The following GRB2 variants were observed in gnomAD, a reference collection of about 807,000 sequenced individuals.
GRB2 encodes growth factor receptor bound protein 2.
A neutral mutation model predicts 27.4 loss-of-function variants in GRB2; 2 were observed. The ratio of observed to expected loss-of-function variants is 0.07; its 90% CI spans 0.03 to 0.23. The LOEUF (loss-of-function observed/expected upper bound fraction) is 0.23. Ranked by LOEUF, GRB2 falls within the 10% of genes least tolerant of loss-of-function variation. GRB2 has a pLI of 1.00. For synonymous variants in GRB2, 94 were observed against 99.6 expected (o/e 0.94, Z 0.33); for missense variants, 102 against 282.4 (o/e 0.36, Z 4.58).
intron 2 of GRB2, among the ~76,000 whole-genome samples, chr17:75,389,710 C>G (rs2078986650): frequency 6.6e-6 from 1 of 151,908 alleles, no homozygotes; most frequent in African/African-American, 2.4e-5. Context: ...GCCGGGCGTG[C>G]TGGTGGGTGC....
intron 2 of GRB2, among the ~76,000 whole-genome samples, chr17:75,347,878 A>C (rs1393886473): frequency 6.6e-6 from 1 of 152,184 alleles, no homozygotes; most frequent in Non-Finnish European, 1.5e-5. Flanking sequence ...CAGGACTCAG[A>C]CTGAAATTAG....
At chr17:75,353,795 T>C (rs1431720496) in intron 2 of GRB2, among the ~76,000 whole-genome samples, 1 of 151,122 alleles carries the variant, frequency 6.6e-6, no homozygotes, top group Non-Finnish European at 1.5e-5. Flanking sequence ...TCCCAGCACT[T>C]TGGGAGGCCG....
intron 2 of GRB2, among the ~76,000 whole-genome samples, chr17:75,345,485 G>A (rs970463228): frequency 1.3e-5 from 2 of 152,174 alleles, no homozygotes; most frequent in Non-Finnish European, 2.9e-5. Context: ...GTTGGTCACA[G>A]AACTATTCAC....
At chr17:75,342,849 G>A (rs1392942926) in intron 2 of GRB2, among the ~76,000 whole-genome samples, 1 of 151,912 alleles carries the variant, frequency 6.6e-6, no homozygotes, top group Non-Finnish European at 1.5e-5. Flanking sequence ...TGGAGTTTGA[G>A]TCCAGCCTAG....
chr17:75,341,447 T>TAAAAA (rs61039194), intron 2 of GRB2, among the ~76,000 whole-genome samples: 1 of 110,276 alleles, frequency 9.1e-6, no homozygotes, highest in African/African-American at 3.8e-5. Context: ...GTGACTCCAT[T>TAAAAA]AAAAAAAAAA....
intron 2 of GRB2, among the ~76,000 whole-genome samples, chr17:75,347,552 G>A (rs2145837688): frequency 6.6e-6 from 1 of 152,228 alleles, no homozygotes; most frequent in African/African-American, 2.4e-5. Context: ...CAGGGGTGGG[G>A]AACCACTACC....
At chr17:75,378,175 C>T (rs1349259084) in intron 2 of GRB2, among the ~76,000 whole-genome samples, 2 of 151,714 alleles carry the variant, frequency 1.3e-5, no homozygotes, top group Non-Finnish European at 2.9e-5. Context: ...GGATCACCTG[C>T]AGTCAGGAGT....
chr17:75,401,337 C>G (rs1489550792), intron 1 of GRB2, among the ~76,000 whole-genome samples: 2 of 148,016 alleles, frequency 1.4e-5, no homozygotes, highest in Non-Finnish European at 3.0e-5. Flanking sequence ...CCCAGCTACT[C>G]GGGAGGCTGA....
At chr17:75,346,711 C>T (rs1467865146) in intron 2 of GRB2, among the ~76,000 whole-genome samples, 5 of 150,668 alleles carry the variant, frequency 3.3e-5, no homozygotes, top group African/African-American at 1.2e-4. Flanking sequence ...GCCTCCCAAG[C>T]AGCTGGGATT....
intron 2 of GRB2, among the ~76,000 whole-genome samples, chr17:75,385,073 AAAC>A (rs1264362230): frequency 9.7e-5 from 7 of 72,168 alleles, no homozygotes; most frequent in East Asian, 1.1e-3. Context: ...ACAAACAAAC[AAAC>A]AAAAAAACCC....
In GRB2 at chr17:75,320,542, G is replaced by A. The variant is rs368417831; in HGVS notation, c.480C>T (p.Tyr160=). 29 of 1,611,490 alleles carry A rather than the reference G, an allele frequency of 1.8e-5. No homozygotes were observed. The highest frequency in any genetic ancestry group is 4.0e-5 in the African/African-American group (3 of 74,966). ...DIEQVPQQPT[Y]VQALFDFDPQ... is the part of the protein sequence containing the mutation. ...GATCAAAGTCAAAGAGGGCCTGGACGTATGTCGGCTGCTGCAAAACAGGAG... is the reference window on the plus strand; with the variant it reads ...GATCAAAGTCAAAGAGGGCCTGGACATATGTCGGCTGCTGCAAAACAGGAG... Residue 160 remains tyrosine (Y), a synonymous_variant, in exon 6 of 6, where the codon TAC becomes TAT. Transcript: ENST00000316804. This position sits in a 1 kb window ranked among gnomAD's most constrained non-coding sequence, Gnocchi z 4.3.
At chr17:75,341,171 C>T (rs747112173) in intron 2 of GRB2, among the ~76,000 whole-genome samples, 1 of 152,132 alleles carries the variant, frequency 6.6e-6, no homozygotes, top group Non-Finnish European at 1.5e-5. Flanking sequence ...GTGCCTCACG[C>T]CTGTAATCCC....
chr17:75,328,099 G>A (rs1319463059), intron 3 of GRB2, among the ~76,000 whole-genome samples: 1 of 151,930 alleles, frequency 6.6e-6, no homozygotes, highest in Non-Finnish European at 1.5e-5. Context: ...GAGGTGGGGT[G>A]AATCACTTGA....
intron 3 of GRB2, among the ~76,000 whole-genome samples, chr17:75,326,956 T>TAA (rs1363380421): frequency 2.0e-5 from 3 of 152,092 alleles, no homozygotes; most frequent in African/African-American, 7.2e-5. Flanking sequence ...TTATAGCAAA[T>TAA]AAAGACCTAT....
intron 2 of GRB2, among the ~76,000 whole-genome samples, chr17:75,370,420 C>G (rs1378732218): frequency 2.0e-5 from 3 of 152,232 alleles, no homozygotes; most frequent in African/African-American, 7.2e-5. Flanking sequence ...ACTTCAATAT[C>G]TTGTTCGGTT....
At chr17:75,323,778 A>AGCCTGGAC in intron 4 of GRB2, among the ~76,000 whole-genome samples, 1 of 151,726 alleles carries the variant, frequency 6.6e-6, no homozygotes, top group Admixed American at 6.6e-5. Flanking sequence ...AACTAAAGAA[A>AGCCTGGAC]GACAGGTGTC....
chr17:75,338,569 G>A (rs1475839833), intron 2 of GRB2, among the ~76,000 whole-genome samples: 1 of 152,086 alleles, frequency 6.6e-6, no homozygotes, highest in Non-Finnish European at 1.5e-5. Flanking sequence ...ATATTCCCTC[G>A]AGTTATGACT....
At chr17:75,372,826 T>C (rs1341782761) in intron 2 of GRB2, 1 of 152,212 alleles carries the variant, frequency 6.6e-6, no homozygotes, top group Non-Finnish European at 1.5e-5. Context: ...TACTTTGTGG[T>C]CTAAACTTAA....
In GRB2 at chr17:75,403,892, T is replaced by C. The variant is rs532746133; in HGVS notation, c.-138+1597A>G. 3.9e-4 allele frequency among the ~76,000 whole-genome samples: 59 copies of C among 152,290 alleles called. 1 individual carries two copies. The highest frequency in any genetic ancestry group is 4.8e-5 in the African/African-American group (2 of 41,558). On this transcript the variant is annotated intron_variant, in intron 1 of 5. Coordinates refer to ENST00000316804, the MANE Select transcript of GRB2 (RefSeq NM_002086.5). ...ACTTTGGGAGGCCAAGGCGGGTGGA[T>C]TACCTGAGGTCAAGAGTTCAAGACC...
Sources: gnomAD v4.1 joint callset for allele counts (sites outside exome capture counted in the v4.1 genomes callset) on GRCh38, gnomAD v4.1.1 for gene constraint, Gnocchi (gnomAD v3.1) non-coding constraint, MANE v1.5 for transcripts, NCBI Gene and HGNC (gene_info 2026-07-23, HGNC 2026-07-21) for gene names.